SH2D4A: variants seen among roughly 807,000 people sequenced by gnomAD.
SH2D4A encodes SH2 domain containing 4A, also known as SH2 domain-containing protein 4A.
A neutral mutation model predicts 64.7 loss-of-function variants in SH2D4A; 70 were observed. That is an observed-to-expected ratio of 1.08 (90% confidence interval 0.89 to 1.32). SH2D4A has a LOEUF of 1.32. SH2D4A is among the 40% of genes most tolerant of loss of function. The probability of loss-of-function intolerance (pLI) is 0.00; values close to 1 mark genes in which losing one functional copy is unlikely to be tolerated. For missense variants in SH2D4A, 706 were observed against 540.1 expected, an observed-to-expected ratio of 1.31 and a Z score of -3.04; for synonymous variants, 268 against 200.7, an observed-to-expected ratio of 1.34 and a Z score of -2.83.
In SH2D4A at chr8:19,319,660, G is replaced by A. The variant is rs746437341; in HGVS notation, c.113G>A (p.Arg38Gln). 7.4e-6 allele frequency: 12 copies of A among 1,611,210 alleles called. No individual in the cohort carries two copies. The highest frequency in any genetic ancestry group is 2.2e-5 in the East Asian group (1 of 44,666). ...AAGATGAGAGAGGAACAGATCCGAC[G>A]ATGGAAAGAAAGAGAAGCAGCTATG... ...FFKMREEQIR[R>Q]WKEREAAMER... The change falls in exon 2 of 10, where the codon CGA (arginine) becomes CAA (glutamine). Residue 38 changes from arginine (R) to glutamine (Q), a missense_variant. Arg to Gln is a conservative substitution (Grantham distance 43). Coordinates refer to ENST00000265807, the MANE Select transcript of SH2D4A (RefSeq NM_022071.4).
chr8:19,376,385 G>C (rs1026806247), intron 8 of SH2D4A, among the ~76,000 whole-genome samples: 1 of 152,260 alleles, frequency 6.6e-6, no homozygotes, highest in Admixed American at 6.5e-5. Context: ...ACTTTGGAAG[G>C]CCGAGGCAGG....
chr8:19,321,340 A>G (rs2052187779), intron 2 of SH2D4A, among the ~76,000 whole-genome samples: 1 of 152,126 alleles, frequency 6.6e-6, no homozygotes, highest in African/African-American at 2.4e-5. Flanking sequence ...CAGCCTCCCA[A>G]GTAGCTGGGA....
chr8:19,342,754 A>C (rs1272283983), intron 4 of SH2D4A, among the ~76,000 whole-genome samples: 1 of 152,120 alleles, frequency 6.6e-6, no homozygotes, highest in Non-Finnish European at 1.5e-5. Context: ...CTGGGATTAG[A>C]GTTTTTGGGC....
At chr8:19,381,931 G>A (rs922526561) in intron 8 of SH2D4A, among the ~76,000 whole-genome samples, 16 of 151,820 alleles carry the variant, frequency 1.1e-4, no homozygotes, top group African/African-American at 3.1e-4. Flanking sequence ...CTGTTAATAC[G>A]GTGTGTTACA....
intron 4 of SH2D4A, among the ~76,000 whole-genome samples, chr8:19,342,060 C>T: frequency 6.6e-6 from 1 of 152,114 alleles, no homozygotes; most frequent in East Asian, 1.9e-4. Context: ...GGAAGTAGTG[C>T]TTCTAGTTAA....
At chr8:19,332,835 C>A in intron 2 of SH2D4A, 120 bp from the exon 3 acceptor site, 1 of 818,422 alleles carries the variant, frequency 1.2e-6, no homozygotes, top group Non-Finnish European at 1.7e-6. Flanking sequence ...AGTTCTTTGT[C>A]TCATCTGATA....
At chr8:19,314,677 T>G (rs2052056571) in intron 1 of SH2D4A, among the ~76,000 whole-genome samples, 1 of 152,244 alleles carries the variant, frequency 6.6e-6, no homozygotes, top group Admixed American at 6.5e-5. Flanking sequence ...GTTTGATTGC[T>G]GGTTTAATAG....
intron 9 of SH2D4A, among the ~76,000 whole-genome samples, chr8:19,393,964 T>C (rs953371922): frequency 1.3e-5 from 2 of 152,158 alleles, no homozygotes; most frequent in Non-Finnish European, 2.9e-5. Flanking sequence ...TTATATATAA[T>C]GAAATAATTA....
intron 7 of SH2D4A, among the ~76,000 whole-genome samples, chr8:19,370,037 T>C (rs1011927855): frequency 1.3e-5 from 2 of 152,100 alleles, no homozygotes; most frequent in South Asian, 4.1e-4. Flanking sequence ...AAGAACATTT[T>C]TGGTTTCTGA....
At chr8:19,337,781 A>G (rs907415283) in intron 4 of SH2D4A, among the ~76,000 whole-genome samples, 1 of 152,158 alleles carries the variant, frequency 6.6e-6, no homozygotes, top group Non-Finnish European at 1.5e-5. Context: ...TATCACAAGA[A>G]CACCATGGGA....
chr8:19,391,391 G>C (rs1585217684), intron 8 of SH2D4A, among the ~76,000 whole-genome samples: 1 of 152,128 alleles, frequency 6.6e-6, no homozygotes, highest in East Asian at 1.9e-4. Context: ...GTGTTCCATG[G>C]GTCTGTCTCA....
rs17128349 is a variant in SH2D4A, at chr8:19,394,662, C to A, written c.*20C>A. 1 of 1,575,972 alleles carries A rather than the reference C, an allele frequency of 6.3e-7. No homozygotes were observed. On this transcript the variant is annotated 3_prime_UTR_variant, in exon 10 of 10. Coordinates refer to ENST00000265807, the MANE Select transcript of SH2D4A (RefSeq NM_022071.4). ...GAGTGACAGCCTCCATCAGGGTCATCCTACAGCCTCCAAGCGGGCTTTCCC... is the reference window on the plus strand; with the variant it reads ...GAGTGACAGCCTCCATCAGGGTCATACTACAGCCTCCAAGCGGGCTTTCCC...
At chr8:19,348,059 A>G (rs1180570443) in intron 4 of SH2D4A, among the ~76,000 whole-genome samples, 2 of 152,176 alleles carry the variant, frequency 1.3e-5, no homozygotes, top group African/African-American at 4.8e-5. Flanking sequence ...TGTAAACTTG[A>G]CACTGAAACT....
rs772456484 is a variant in SH2D4A, at chr8:19,393,552, G to C, written c.1272+11G>C. On this transcript the variant is annotated intron_variant, in intron 9 of 9. Transcript: ENST00000265807. ...GTGGAATATCACAAGGTGAAGCAAT[G>C]CATAAACTTAATTTGCCTTCTGAGT... 3 of 1,613,010 alleles carry C rather than the reference G, an allele frequency of 1.9e-6. No homozygotes were observed. Among genetic ancestry groups the C allele is most frequent in the Non-Finnish European group, 2.5e-6 (3 of 1,179,444 alleles).
At chr8:19,370,557 G>C (rs919817188) in intron 7 of SH2D4A, among the ~76,000 whole-genome samples, 1 of 151,976 alleles carries the variant, frequency 6.6e-6, no homozygotes, top group African/African-American at 2.4e-5. Flanking sequence ...AGCTACTCCT[G>C]TTGTCTTTTG....
chr8:19,321,953 C>T (rs535745927), intron 2 of SH2D4A, among the ~76,000 whole-genome samples: 26 of 152,298 alleles, frequency 1.7e-4, no homozygotes, highest in Admixed American at 1.5e-3. Context: ...ATCTACCTCT[C>T]AGAAACCCTG....
chr8:19,338,800 C>T (rs1212191727), intron 4 of SH2D4A, among the ~76,000 whole-genome samples: 2 of 152,210 alleles, frequency 1.3e-5, no homozygotes, highest in Non-Finnish European at 2.9e-5. Context: ...TAATTTGTTA[C>T]AGCAGCAGTG....
intron 7 of SH2D4A, among the ~76,000 whole-genome samples, chr8:19,370,840 T>G (rs1200452720): frequency 6.6e-6 from 1 of 152,132 alleles, no homozygotes; most frequent in Non-Finnish European, 1.5e-5. Context: ...TAGGCACTTT[T>G]CTCTAGTAGT....
At chr8:19,330,123 A>C (rs1440549019) in intron 2 of SH2D4A, among the ~76,000 whole-genome samples, 1 of 152,168 alleles carries the variant, frequency 6.6e-6, no homozygotes, top group Non-Finnish European at 1.5e-5. Flanking sequence ...ACATCTTGCT[A>C]ATAGCAAAAA....
Sources: gnomAD v4.1 joint callset for allele counts (sites outside exome capture counted in the v4.1 genomes callset) on GRCh38, gnomAD v4.1.1 for gene constraint, MANE v1.5 for transcripts, NCBI Gene and HGNC (gene_info 2026-07-23, HGNC 2026-07-21) for gene names.